The following DERL2 variants were observed in gnomAD, a reference collection of about 807,000 sequenced individuals.
DERL2 encodes the protein derlin 2.
In DERL2, 13 loss-of-function variants were observed where a neutral mutation model predicts 32.0. That is an observed-to-expected ratio of 0.41 (90% confidence interval 0.26 to 0.65). The LOEUF is 0.65. Ranked by LOEUF, DERL2 falls within the 30% of genes least tolerant of loss-of-function variation. The pLI is 0.35. For synonymous variants in DERL2, 111 were observed against 104.7 expected (o/e 1.06, Z -0.37); for missense variants, 208 against 296.3 (o/e 0.70, Z 2.19).
rs985033580 is a variant in DERL2, at chr17:5,472,335, T to C, written c.*2349A>G. The stretch of plus-strand genomic sequence containing the variant: ...AAAGGGAAGTGTGTTCTGGAAGAAC[T>C]AAGATTGAGAGGTAAATTGGGGAGA... On this transcript the variant is annotated 3_prime_UTR_variant, in exon 7 of 7. Coordinates refer to ENST00000158771, the MANE Select transcript of DERL2 (RefSeq NM_016041.5). 6.6e-6 allele frequency: 1 copy of C among 152,214 alleles called. No homozygotes were observed. Among genetic ancestry groups the C allele is most frequent in the Admixed American group, 6.5e-5 (1 of 15,286 alleles). The allele number at this position is 152,214 out of a possible 1,614,324, so 9.4% of individuals were successfully genotyped here. A position where few individuals can be genotyped will look rare whatever the true frequency, so the allele number is the denominator to read the frequency against.
intron 5 of DERL2, 37 bp downstream of exon 5, chr17:5,480,350 G>A: frequency 6.4e-7 from 1 of 1,567,838 alleles, no homozygotes; most frequent in African/African-American, 1.4e-5. Flanking sequence ...TACTTTTACA[G>A]GTAAAATAAT....
chr17:5,485,225 GA>G lies in DERL2; in HGVS notation c.94-10del. ...GTGATCAATTCCAACTGCTGAAATAGAAAAAGAGCTTCTTAAAGCAAATCAA... is the reference window on the plus strand; with the variant it reads ...GTGATCAATTCCAACTGCTGAAATAGAAAAGAGCTTCTTAAAGCAAATCAA... On this transcript the variant is annotated splice_polypyrimidine_tract_variant and intron_variant, in intron 1 of 6. Transcript: ENST00000158771. 6.4e-7 allele frequency: 1 copy of G among 1,563,486 alleles called. No homozygotes were observed. The highest frequency in any genetic ancestry group is 1.2e-5 in the South Asian group (1 of 83,850).
intron 6 of DERL2, among the ~76,000 whole-genome samples, chr17:5,476,684 C>G (rs773160224): frequency 2.6e-5 from 4 of 152,014 alleles, no homozygotes; most frequent in African/African-American, 4.8e-5. Context: ...GGGAGGCTGA[C>G]GCAGGAGAAT....
chr17:5,475,134 C>A (rs887276410), intron 6 of DERL2, among the ~76,000 whole-genome samples: 1 of 152,096 alleles, frequency 6.6e-6, no homozygotes, highest in Non-Finnish European at 1.5e-5. Context: ...AAAGTTAGAT[C>A]ACACTACATG....
rs1461574695 is a variant in DERL2 at position 5,481,651 on chromosome 17, T to G, written c.234-262A>C. On this transcript the variant is annotated intron_variant, in intron 3 of 6. Transcript: ENST00000158771. This position sits in a 1 kb window ranked among gnomAD's most constrained non-coding sequence, Gnocchi z 4.4. ...CAGACATGCTTTCAGTCCCCTATTC[T>G]TTTTTTTTTTTCTTTTGAGACAGAG... is the stretch of plus-strand genomic sequence containing the variant. 7.3e-6 allele frequency among the ~76,000 whole-genome samples: 1 copy of G among 136,056 alleles called. No homozygotes were observed. Among genetic ancestry groups the G allele is most frequent in the East Asian group, 2.4e-4 (1 of 4,098 alleles). 89.3% of individuals were successfully genotyped at this position (136,056 alleles called of 152,430 possible).
intron 4 of DERL2, 58 bp from the exon 5 acceptor site, chr17:5,480,640 CAGG>C (rs1282034500): frequency 2.9e-6 from 4 of 1,356,384 alleles, no homozygotes; most frequent in Non-Finnish European, 3.9e-6. Flanking sequence ...AAAGACTGAG[CAGG>C]AGAACTAAAG....
intron 6 of DERL2, among the ~76,000 whole-genome samples, chr17:5,475,512 G>A (rs1344984212): frequency 2.0e-5 from 3 of 152,114 alleles, no homozygotes; most frequent in Admixed American, 6.5e-5. Context: ...GCCTGCCTCG[G>A]CTTCCCAAAA....
At position 5,481,647 on chromosome 17, in the gene DERL2, ATTCT is replaced by A. The variant is rs534418213; in HGVS notation, c.234-262_234-259del. 2.7e-5 allele frequency among the ~76,000 whole-genome samples: 4 copies of A among 149,828 alleles called. No individual in the cohort carries two copies. Among genetic ancestry groups the A allele is most frequent in the Non-Finnish European group, 4.4e-5 (3 of 67,498 alleles). ...CACACAGACATGCTTTCAGTCCCCT[ATTCT>A]TTTTTTTTTTTCTTTTGAGACAGAG... On this transcript the variant is annotated intron_variant, in intron 3 of 6. Coordinates refer to ENST00000158771, the MANE Select transcript of DERL2 (RefSeq NM_016041.5). This position sits in a 1 kb window ranked among gnomAD's most constrained non-coding sequence, Gnocchi z 4.4.
intron 6 of DERL2, among the ~76,000 whole-genome samples, chr17:5,479,496 T>TAAAAAAAAAA (rs11306765): frequency 4.5e-4 from 31 of 69,402 alleles, no homozygotes; most frequent in African/African-American, 6.1e-4. Context: ...AGACTCCATG[T>TAAAAAAAAAA]AAAAAAAAAA....
chr17:5,485,478 A>AGGT lies in DERL2; in HGVS notation c.94-265_94-263dup, dbSNP rs529386242. On this transcript the variant is annotated intron_variant, in intron 1 of 6. Transcript: ENST00000158771. ...GCTGACATGAAGAAATGAGGCAGAC[A>AGGT]GGTGGTGATATTTTAGACACAGGAC... 2.0e-5 allele frequency among the ~76,000 whole-genome samples: 3 copies of AGGT among 152,348 alleles called. No homozygotes were observed. In the South Asian group the frequency reaches 6.2e-4, roughly 32 times the overall value.
intron 6 of DERL2, among the ~76,000 whole-genome samples, chr17:5,476,847 G>T (rs11651126): frequency 6.6e-6 from 1 of 151,990 alleles, no homozygotes. Flanking sequence ...TAGCAGGATG[G>T]GGGTGGGGGC....
Position 5,482,891 on chromosome 17 carries a change from A to C in DERL2, c.160-9T>G. ...GTGATTAATCTCCATATCTGTTAAAAAAAAATCAAGAGAAAGATGTATTAA... is the reference window on the plus strand; with the variant it reads ...GTGATTAATCTCCATATCTGTTAAACAAAAATCAAGAGAAAGATGTATTAA... On this transcript the variant is annotated splice_polypyrimidine_tract_variant and intron_variant, in intron 2 of 6. Transcript: ENST00000158771. The C allele has an allele frequency of 7.1e-7, 1 of 1,418,150 alleles. No individual in the cohort carries two copies. Among genetic ancestry groups the C allele is most frequent in the Non-Finnish European group, 9.7e-7 (1 of 1,029,380 alleles). The allele number at this position is 1,418,150 out of a possible 1,614,324, so 87.8% of individuals were successfully genotyped here.
At chr17:5,479,137 G>A (rs1905588563) in intron 6 of DERL2, among the ~76,000 whole-genome samples, 1 of 152,184 alleles carries the variant, frequency 6.6e-6, no homozygotes, top group Admixed American at 6.5e-5. Flanking sequence ...CAGTGGCTAT[G>A]TTAAAGGCCT....
In DERL2 at chr17:5,473,176, A is replaced by G. The variant is rs2151697866; in HGVS notation, c.*1508T>C. The G allele has an allele frequency of 6.6e-6, 1 of 152,350 alleles. No individual in the cohort carries two copies. The highest frequency in any genetic ancestry group is 2.1e-4 in the South Asian group (1 of 4,834). The allele number at this position is 152,350 out of a possible 1,614,324, so 9.4% of individuals were successfully genotyped here. A position where few individuals can be genotyped will look rare whatever the true frequency, so the allele number is the denominator to read the frequency against. On this transcript the variant is annotated 3_prime_UTR_variant, in exon 7 of 7. Transcript: ENST00000158771. ...CCCCTTAACAAAGGTTGAATGAACTACTACTAACAATCCACTTTTGGGAAA... is the reference window on the plus strand; with the variant it reads ...CCCCTTAACAAAGGTTGAATGAACTGCTACTAACAATCCACTTTTGGGAAA...
At chr17:5,485,392 G>C (rs905407043) in intron 1 of DERL2, among the ~76,000 whole-genome samples, 176 bp from the exon 2 acceptor site, 2 of 152,202 alleles carry the variant, frequency 1.3e-5, no homozygotes, top group African/African-American at 4.8e-5. Flanking sequence ...AGGATTGGTA[G>C]AATTCTTTGT....
In DERL2 at chr17:5,471,585, T is replaced by C. The variant is rs1412036779; in HGVS notation, c.*3099A>G. On this transcript the variant is annotated 3_prime_UTR_variant, in exon 7 of 7. Transcript: ENST00000158771. ...GACTTAAGTTGAGGTCCCTGTTAGG[T>C]AGAAGTGGGAGTAAAGTTAAGAAAA... The C allele has an allele frequency of 6.6e-6, 1 of 152,046 alleles. No individual in the cohort carries two copies. The highest frequency in any genetic ancestry group is 2.4e-5 in the African/African-American group (1 of 41,380). 9.4% of individuals were successfully genotyped at this position (152,046 alleles called of 1,614,324 possible). A position where few individuals can be genotyped will look rare whatever the true frequency, so the allele number is the denominator to read the frequency against.
intron 6 of DERL2, among the ~76,000 whole-genome samples, chr17:5,476,862 C>T: frequency 6.6e-6 from 1 of 152,150 alleles, no homozygotes; most frequent in South Asian, 2.1e-4. Context: ...GGGGGCACAG[C>T]CTGGTATAGG....
Position 5,486,140 on chromosome 17 carries a change from G to A in DERL2, c.22C>T (p.Leu8=), listed in dbSNP as rs370258266. 1.7e-5 allele frequency: 27 copies of A among 1,609,814 alleles called. No homozygotes were observed. The African/African-American group carries it at 2.0e-4, about 12-fold the overall frequency. MAYQSLR[L]EYLQIPPVSR... ...ACCGGTGGGATCTGCAGGTACTCCA[G>A]CCGCAAGCTCTGGTACGCCATCTTC... Residue 8 remains leucine, a synonymous_variant, in exon 1 of 7, where the codon CTG becomes TTG. Transcript: ENST00000158771.
At chr17:5,478,807 T>C (rs559930369) in intron 6 of DERL2, among the ~76,000 whole-genome samples, 1 of 152,322 alleles carries the variant, frequency 6.6e-6, no homozygotes, top group South Asian at 2.1e-4. Context: ...TATGGCATAC[T>C]AAGTTTACAA....
Sources: allele counts gnomAD v4.1 joint callset (sites outside exome capture counted in the v4.1 genomes callset), GRCh38; gene constraint gnomAD v4.1.1; non-coding constraint Gnocchi (gnomAD v3.1); transcripts MANE v1.5; gene names NCBI Gene and HGNC (gene_info 2026-07-23, HGNC 2026-07-21).